The following ARHGAP15 variants were observed in gnomAD, a reference collection of about 807,000 sequenced individuals.
ARHGAP15 encodes the protein Rho GTPase activating protein 15.
Under a neutral mutation model 63.7 loss-of-function variants are expected in ARHGAP15, and 51 were observed. The observed-to-expected ratio is 0.80, with a 90% confidence interval of 0.64 to 1.01. The LOEUF is 1.01. Ranked by LOEUF, ARHGAP15 falls within the 50% of genes least tolerant of loss-of-function variation. The pLI, the probability that ARHGAP15 is intolerant of heterozygous loss-of-function variation, is 0.00. For missense variants in ARHGAP15, 560 were observed against 564.6 expected, an observed-to-expected ratio of 0.99 and a Z score of 0.08; for synonymous variants, 191 against 193.8, an observed-to-expected ratio of 0.99 and a Z score of 0.12.
chr2:143,134,104 A>AATCTATCTATCT (rs70982842), intron 1 of ARHGAP15, among the ~76,000 whole-genome samples: 2 of 141,242 alleles, frequency 1.4e-5, no homozygotes, highest in East Asian at 2.0e-4. Flanking sequence ...TCTATTTGAA[A>AATCTATCTATCT]ATCTATCTAT....
intron 11 of ARHGAP15, among the ~76,000 whole-genome samples, chr2:143,583,476 T>C (rs949357982): frequency 6.6e-6 from 1 of 152,218 alleles, no homozygotes; most frequent in Non-Finnish European, 1.5e-5. Flanking sequence ...GTTACTTTTA[T>C]AGAAAGTTGA....
intron 12 of ARHGAP15, among the ~76,000 whole-genome samples, chr2:143,664,411 C>T (rs1174278431): frequency 6.6e-6 from 1 of 151,788 alleles, no homozygotes; most frequent in Non-Finnish European, 1.5e-5. Context: ...GGGACACATT[C>T]AAAGCAGTGT....
intron 5 of ARHGAP15, among the ~76,000 whole-genome samples, chr2:143,230,894 C>G (rs1250822216): frequency 6.6e-6 from 1 of 152,052 alleles, no homozygotes; most frequent in East Asian, 1.9e-4. Context: ...AAAAGTCTGC[C>G]CTTTCCTCCT....
intron 11 of ARHGAP15, among the ~76,000 whole-genome samples, chr2:143,574,639 T>C (rs1219389859): frequency 6.6e-6 from 1 of 152,108 alleles, no homozygotes; most frequent in Non-Finnish European, 1.5e-5. Context: ...GCAGGGAGTG[T>C]CCCCAAAGTG....
At chr2:143,711,229 A>G (rs1684566412) in intron 13 of ARHGAP15, among the ~76,000 whole-genome samples, 1 of 152,210 alleles carries the variant, frequency 6.6e-6, no homozygotes, top group Admixed American at 6.5e-5. Context: ...TCAATGTTAA[A>G]TGCATAAAGA....
intron 6 of ARHGAP15, among the ~76,000 whole-genome samples, chr2:143,308,768 C>T (rs946121855): frequency 1.3e-5 from 2 of 151,646 alleles, no homozygotes; most frequent in African/African-American, 2.4e-5. Context: ...AGTAAGACTA[C>T]CTGGGAAAAC....
intron 6 of ARHGAP15, among the ~76,000 whole-genome samples, chr2:143,312,907 T>C (rs1480173118): frequency 6.6e-6 from 1 of 152,202 alleles, no homozygotes; most frequent in East Asian, 1.9e-4. Flanking sequence ...ACTACTCATC[T>C]ATAACTAAAG....
intron 12 of ARHGAP15, among the ~76,000 whole-genome samples, chr2:143,646,790 C>A (rs1272058690): frequency 6.6e-6 from 1 of 152,012 alleles, no homozygotes; most frequent in Non-Finnish European, 1.5e-5. Context: ...AAAATAACAT[C>A]ATGCAGTAGA....
At chr2:143,149,894 T>C (rs886859900) in intron 1 of ARHGAP15, among the ~76,000 whole-genome samples, 3 of 152,066 alleles carry the variant, frequency 2.0e-5, no homozygotes, top group African/African-American at 7.2e-5. Flanking sequence ...CATTTATAAA[T>C]GATTAAACAG....
At chr2:143,537,590 T>C (rs1346938793) in intron 10 of ARHGAP15, among the ~76,000 whole-genome samples, 1 of 152,252 alleles carries the variant, frequency 6.6e-6, no homozygotes, top group East Asian at 1.9e-4. Context: ...TTCAGCTTCC[T>C]ACATATGGCT....
At position 143,694,889 on chromosome 2, in the gene ARHGAP15, T is replaced by TAATTCACATTTTTCTTAA. The variant is rs527462613; in HGVS notation, c.1139-8529_1139-8512dup. On this transcript the variant is annotated intron_variant, in intron 12 of 13. Coordinates refer to ENST00000295095, the MANE Select transcript of ARHGAP15 (RefSeq NM_018460.4). ...ACCCAAAGACAGGAAAAGTGTTTCT[T>TAATTCACATTTTTCTTAA]AATTCACATTTTTCTTAATTGTGAT... Among the ~76,000 whole-genome samples, 543 of 152,330 alleles carry TAATTCACATTTTTCTTAA rather than the reference T, an allele frequency of 3.6e-3. 6 individuals are homozygous for TAATTCACATTTTTCTTAA. The highest frequency in any genetic ancestry group is 0.017 in the Middle Eastern group (5 of 294).
chr2:143,409,534 T>C (rs1487114004), intron 6 of ARHGAP15, among the ~76,000 whole-genome samples: 1 of 151,936 alleles, frequency 6.6e-6, no homozygotes, highest in East Asian at 1.9e-4. Context: ...TAGTATAAGC[T>C]CTCTGAAAAA....
intron 13 of ARHGAP15, among the ~76,000 whole-genome samples, chr2:143,735,960 G>GA (rs2105495784): frequency 6.6e-6 from 1 of 152,312 alleles, no homozygotes; most frequent in Admixed American, 6.5e-5. Context: ...CAAGGCTTAT[G>GA]AAGAATATCA....
At chr2:143,417,948 G>A (rs1022792499) in intron 6 of ARHGAP15, among the ~76,000 whole-genome samples, 3 of 152,150 alleles carry the variant, frequency 2.0e-5, no homozygotes, top group Admixed American at 6.5e-5. Context: ...ATCCACAATT[G>A]GATGAAAGTT....
At chr2:143,606,850 T>C (rs1227587215) in intron 11 of ARHGAP15, 2 of 152,202 alleles carry the variant, frequency 1.3e-5, no homozygotes, top group Non-Finnish European at 2.9e-5. Flanking sequence ...TTTACTCCAC[T>C]TGCCTCTTCT....
chr2:143,435,763 C>A, intron 7 of ARHGAP15, 64 bp downstream of exon 7: 2 of 1,482,090 alleles, frequency 1.3e-6, no homozygotes, highest in South Asian at 2.4e-5. Context: ...TCTTATTGCT[C>A]AGGCATATAA....
intron 3 of ARHGAP15, among the ~76,000 whole-genome samples, chr2:143,208,797 C>G (rs983103468): frequency 9.2e-5 from 14 of 151,936 alleles, no homozygotes; most frequent in Non-Finnish European, 7.4e-5. Context: ...GAAAAAGAAC[C>G]CTGTTTATAA....
intron 9 of ARHGAP15, 127 bp downstream of exon 9, chr2:143,487,622 C>T (rs1692387362): frequency 9.0e-7 from 1 of 1,111,018 alleles, no homozygotes; most frequent in African/African-American, 1.6e-5. Flanking sequence ...AAATTTTCTA[C>T]TCTGTAACAG....
At chr2:143,546,783 A>G (rs1416845839) in intron 10 of ARHGAP15, among the ~76,000 whole-genome samples, 1 of 152,190 alleles carries the variant, frequency 6.6e-6, no homozygotes, top group Non-Finnish European at 1.5e-5. Flanking sequence ...AGAAACTCAG[A>G]GAATAATATG....
Sources: gnomAD v4.1 joint callset for allele counts (sites outside exome capture counted in the v4.1 genomes callset) on GRCh38, gnomAD v4.1.1 for gene constraint, MANE v1.5 for transcripts, NCBI Gene and HGNC (gene_info 2026-07-23, HGNC 2026-07-21) for gene names.